The following TTLL5 variants were observed in gnomAD, a reference collection of about 807,000 sequenced individuals.
TTLL5 encodes tubulin polyglutamylase TTLL5.
Under a neutral mutation model 168.4 loss-of-function variants are expected in TTLL5, and 132 were observed. The observed-to-expected ratio is 0.78, with a 90% CI of 0.68 to 0.91. The LOEUF is 0.91. TTLL5 is among the 40% of genes least tolerant of loss of function. TTLL5 has a pLI of 0.00. For synonymous variants in TTLL5, 546 were observed against 558.6 expected, an observed-to-expected ratio of 0.98 and a Z score of 0.32; for missense variants, 1,545 against 1,581.5, an observed-to-expected ratio of 0.98 and a Z score of 0.39.
In TTLL5 at chr14:75,715,928, G is replaced by C. The variant is rs148279057; in HGVS notation, c.741-1933G>C. Among the ~76,000 whole-genome samples the C allele has an allele frequency of 4.7e-4, 72 of 152,100 alleles. No individual in the cohort carries two copies. In the East Asian group the frequency reaches 0.011, roughly 24 times the overall value. On this transcript the variant is annotated intron_variant, in intron 9 of 31. Transcript: ENST00000298832. The stretch of plus-strand genomic sequence containing the variant: ...CAGGCTTTTCATGTTGACCAAGTTA[G>C]ATCAAGTACTTGTAGTAACTACAAG...
chr14:75,838,188 G>A (rs189639024), intron 28 of TTLL5: 1 of 152,216 alleles, frequency 6.6e-6, no homozygotes, highest in Admixed American at 6.5e-5. Context: ...TTACTAGATG[G>A]CCAGTGAATT....
rs914197459 is a variant in TTLL5 at position 75,666,307 on chromosome 14, C to T, written c.74+3084C>T. Among the ~76,000 whole-genome samples the T allele has an allele frequency of 5.9e-5, 9 of 152,196 alleles. No individual in the cohort carries two copies. In the South Asian group the frequency reaches 1.0e-3, roughly 17 times the overall value. On this transcript the variant is annotated intron_variant, in intron 2 of 31. Coordinates refer to ENST00000298832, the MANE Select transcript of TTLL5 (RefSeq NM_015072.5). ...TGTTAAAGTATTAATTCCTTGCAAT[C>T]GTGGACTTCAGGAATAGAAACTATC...
intron 29 of TTLL5, among the ~76,000 whole-genome samples, chr14:75,870,514 G>A (rs566267831): frequency 1.6e-4 from 24 of 152,180 alleles, no homozygotes; most frequent in African/African-American, 5.5e-4. Context: ...TTAAGTAATG[G>A]GTTTAGCACC....
intron 31 of TTLL5, among the ~76,000 whole-genome samples, chr14:75,950,239 T>C (rs1203204551): frequency 1.3e-5 from 2 of 152,262 alleles, no homozygotes; most frequent in African/African-American, 4.8e-5. Context: ...GAATTAGATC[T>C]GTGCTTCGAA....
intron 27 of TTLL5, among the ~76,000 whole-genome samples, chr14:75,797,935 T>G (rs1893081421): frequency 6.6e-6 from 1 of 152,088 alleles, no homozygotes; most frequent in Admixed American, 6.5e-5. Context: ...TTCCTGGGTT[T>G]GGTATTAGGG....
rs1890966860 is a variant in TTLL5, at chr14:75,766,299, A to G, written c.1946A>G (p.Lys649Arg). Residue 649 changes from lysine to arginine, a missense_variant, in exon 20 of 32, where the codon AAA (lysine) becomes AGA (arginine). Transcript: ENST00000298832. ...AATAATAAAGGTGGACACTGCTGCAAACTTGAGACTCAGGAGCTAGAGCCT... is the reference window on the plus strand; with the variant it reads ...AATAATAAAGGTGGACACTGCTGCAGACTTGAGACTCAGGAGCTAGAGCCT... ...EWNNKGGHCC[K>R]LETQELEPKF... 1.9e-6 allele frequency: 3 copies of G among 1,614,090 alleles called. No homozygotes were observed. Among genetic ancestry groups the G allele is most frequent in the East Asian group, 4.5e-5 (2 of 44,868 alleles).
chr14:75,926,061 C>T (rs985412846), intron 31 of TTLL5, among the ~76,000 whole-genome samples: 5 of 143,552 alleles, frequency 3.5e-5, no homozygotes, highest in African/African-American at 8.1e-5. Flanking sequence ...AGAGGGAGAC[C>T]GTGGGCCGTG....
At chr14:75,719,443 A>G (rs1048418617) in intron 10 of TTLL5, among the ~76,000 whole-genome samples, 1 of 152,186 alleles carries the variant, frequency 6.6e-6, no homozygotes, top group African/African-American at 2.4e-5. Flanking sequence ...CTTCTTTCAC[A>G]CATTGCTTTC....
At chr14:75,662,205 T>A (rs1890779329) in intron 1 of TTLL5, among the ~76,000 whole-genome samples, 1 of 152,214 alleles carries the variant, frequency 6.6e-6, no homozygotes, top group Admixed American at 6.5e-5. Context: ...ATATGGACCT[T>A]TGATTCAAGA....
At chr14:75,875,554 A>G (rs943913314) in intron 29 of TTLL5, among the ~76,000 whole-genome samples, 4 of 151,856 alleles carry the variant, frequency 2.6e-5, no homozygotes, top group African/African-American at 9.7e-5. Flanking sequence ...AAAAAAAAAG[A>G]AAAAAATATA....
chr14:75,782,366 G>T (rs1013395016), intron 24 of TTLL5, 121 bp from the exon 25 acceptor site: 68 of 714,856 alleles, frequency 9.5e-5, no homozygotes, highest in Non-Finnish European at 1.3e-4. Flanking sequence ...GTGATGAGAC[G>T]TGCCATGTTT....
chr14:75,933,476 C>T (rs549174525), intron 31 of TTLL5, among the ~76,000 whole-genome samples: 25 of 152,252 alleles, frequency 1.6e-4, no homozygotes, highest in African/African-American at 5.8e-4. Flanking sequence ...AATAAACACA[C>T]AGTTATTATC....
At position 75,669,778 on chromosome 14, in the gene TTLL5, T is replaced by G. The variant is rs192688223; in HGVS notation, c.181+256T>G. 3.5e-3 allele frequency among the ~76,000 whole-genome samples: 534 copies of G among 152,354 alleles called. 3 individuals are homozygous for G. Among genetic ancestry groups the G allele is most frequent in the Middle Eastern group, 0.01 (3 of 294 alleles). On this transcript the variant is annotated intron_variant, in intron 3 of 31. Coordinates refer to ENST00000298832, the MANE Select transcript of TTLL5 (RefSeq NM_015072.5). ...AAATACACCTAACAAAATTTACCAT[T>G]TTAACCATTTTAGAGTGTACAAGTC...
chr14:75,731,665 T>TA (rs1888555204), intron 12 of TTLL5, among the ~76,000 whole-genome samples: 1 of 152,196 alleles, frequency 6.6e-6, no homozygotes, highest in Non-Finnish European at 1.5e-5. Context: ...AGTGCAAAGA[T>TA]ACCTTGTCAC....
At chr14:75,696,686 C>G (rs1259431010) in intron 6 of TTLL5, among the ~76,000 whole-genome samples, 7 of 152,284 alleles carry the variant, frequency 4.6e-5, no homozygotes, top group Non-Finnish European at 7.4e-5. Flanking sequence ...TGAAAAGACT[C>G]TTTTCTCCTC....
chr14:75,764,575 C>G (rs753055897), intron 18 of TTLL5, 40 bp from the exon 19 acceptor site: 1 of 1,608,628 alleles, frequency 6.2e-7, no homozygotes, highest in Non-Finnish European at 8.5e-7. Flanking sequence ...AAGGAGAGAA[C>G]TTTCTGAAGG....
intron 20 of TTLL5, among the ~76,000 whole-genome samples, chr14:75,770,022 A>G (rs1183964121): frequency 6.6e-6 from 1 of 151,894 alleles, no homozygotes; most frequent in East Asian, 1.9e-4. Flanking sequence ...CTATTAAAAT[A>G]CAAAAATTAG....
intron 3 of TTLL5, among the ~76,000 whole-genome samples, chr14:75,670,221 T>A (rs1202211903): frequency 1.3e-5 from 2 of 152,170 alleles, no homozygotes; most frequent in Non-Finnish European, 2.9e-5. Context: ...TTTTTTTAAT[T>A]TTGTTTTTAA....
At chr14:75,872,091 T>G (rs1314632363) in intron 29 of TTLL5, among the ~76,000 whole-genome samples, 2 of 152,262 alleles carry the variant, frequency 1.3e-5, no homozygotes, top group East Asian at 1.9e-4. Flanking sequence ...CTATCTTTAT[T>G]TAGCCAGTTG....
Sources: allele counts gnomAD v4.1 joint callset (sites outside exome capture counted in the v4.1 genomes callset), GRCh38; gene constraint gnomAD v4.1.1; transcripts MANE v1.5; gene names NCBI Gene and HGNC (gene_info 2026-07-23, HGNC 2026-07-21).